The following NELL1 variants were observed in gnomAD, a reference collection of about 807,000 sequenced individuals.
NELL1 encodes the protein neural EGFL like 1, also known as protein kinase C-binding protein NELL1.
A neutral mutation model predicts 107.4 loss-of-function variants in NELL1; 76 were observed. The observed-to-expected ratio is 0.71, with a 90% confidence interval of 0.59 to 0.86. NELL1 has a LOEUF of 0.86. Among genes scored for constraint, NELL1 ranks in the 40% least tolerant of loss-of-function variants. The probability of loss-of-function intolerance (pLI) is 0.00; values close to 1 mark genes in which losing one functional copy is unlikely to be tolerated. For synonymous variants in NELL1, 353 were observed against 341.2 expected (o/e 1.03, Z -0.38); for missense variants, 1,024 against 1,005.5 (o/e 1.02, Z -0.25).
intron 13 of NELL1, among the ~76,000 whole-genome samples, chr11:21,155,541 G>A (rs994979580): frequency 1.3e-5 from 2 of 152,134 alleles, no homozygotes; most frequent in African/African-American, 4.8e-5. Context: ...TTATTTTCTT[G>A]AAATGAAGGA....
At chr11:20,820,252 C>T (rs1857721332) in intron 3 of NELL1, among the ~76,000 whole-genome samples, 1 of 152,138 alleles carries the variant, frequency 6.6e-6, no homozygotes, top group South Asian at 2.1e-4. Context: ...GAGGCTAATC[C>T]TTCCCTGACA....
In NELL1 at chr11:21,078,332, T is replaced by C. The variant is rs558679463; in HGVS notation, c.1301-35257T>C. On this transcript the variant is annotated intron_variant, in intron 12 of 19. Coordinates refer to ENST00000357134, the MANE Select transcript of NELL1 (RefSeq NM_006157.5). ...AACACATTGAATAAGGCACTCCACA[T>C]ACCAGCAGGTAATTTAAAATAAAGA... Among the ~76,000 whole-genome samples, 344 of 152,160 alleles carry C rather than the reference T, an allele frequency of 2.3e-3. 3 individuals carry two copies. The highest frequency in any genetic ancestry group is 0.021 in the South Asian group (102 of 4,826).
At chr11:21,240,284 A>G (rs778372964) in intron 14 of NELL1, among the ~76,000 whole-genome samples, 1 of 152,094 alleles carries the variant, frequency 6.6e-6, no homozygotes, top group Non-Finnish European at 1.5e-5. Flanking sequence ...GCAATGTTAA[A>G]ATAACTTCAA....
intron 2 of NELL1, among the ~76,000 whole-genome samples, chr11:20,718,811 T>C (rs1554906143): frequency 6.6e-6 from 1 of 152,160 alleles, no homozygotes; most frequent in African/African-American, 2.4e-5. Flanking sequence ...AGAAGGAATA[T>C]CGGCTTGGAT....
chr11:21,369,297 C>T (rs895157469), intron 14 of NELL1, among the ~76,000 whole-genome samples: 1 of 151,752 alleles, frequency 6.6e-6, no homozygotes, highest in African/African-American at 2.4e-5. Flanking sequence ...GAGATTTTAC[C>T]TCCATCTCTA....
Position 21,457,205 on chromosome 11 carries a change from A to G in NELL1, c.1646-77169A>G, listed in dbSNP as rs142143914. On this transcript the variant is annotated intron_variant, in intron 15 of 19. Coordinates refer to ENST00000357134, the MANE Select transcript of NELL1 (RefSeq NM_006157.5). ...GAATATTGTTCATGTTTCTGATTCT[A>G]AAAATTTAATAGTTCTTGGCTGGGT... 2.8e-4 allele frequency among the ~76,000 whole-genome samples: 42 copies of G among 152,322 alleles called. No individual in the cohort carries two copies. The East Asian group carries it at 8.1e-3, about 29-fold the overall frequency.
intron 17 of NELL1, among the ~76,000 whole-genome samples, chr11:21,563,303 C>T (rs891784811): frequency 2.6e-5 from 4 of 152,096 alleles, no homozygotes; most frequent in East Asian, 1.9e-4. Context: ...CCAGCTTATT[C>T]GTTTCTAGGA....
intron 4 of NELL1, among the ~76,000 whole-genome samples, chr11:20,871,176 C>T (rs1174147486): frequency 1.3e-5 from 2 of 152,166 alleles, no homozygotes; most frequent in Admixed American, 6.5e-5. Flanking sequence ...GTACTCCAAC[C>T]TGAATCCCTT....
chr11:20,700,415 G>A (rs897072098), intron 2 of NELL1, among the ~76,000 whole-genome samples: 2 of 152,200 alleles, frequency 1.3e-5, no homozygotes, highest in Admixed American at 6.5e-5. Flanking sequence ...GGAAGCAGAG[G>A]TTGCAGTGAT....
chr11:21,153,753 T>C (rs1268320626), intron 13 of NELL1, among the ~76,000 whole-genome samples: 1 of 152,124 alleles, frequency 6.6e-6, no homozygotes, highest in East Asian at 1.9e-4. Context: ...GTGAGGGAAA[T>C]TGAAGCTCAG....
chr11:21,253,977 GA>G (rs2133913921), intron 14 of NELL1, among the ~76,000 whole-genome samples: 1 of 152,276 alleles, frequency 6.6e-6, no homozygotes, highest in Non-Finnish European at 1.5e-5. Context: ...GTTGACTACT[GA>G]GGGGATGCAG....
At position 20,951,574 on chromosome 11, in the gene NELL1, C is replaced by A. The variant is rs569315916; in HGVS notation, c.1171+4139C>A. On this transcript the variant is annotated intron_variant, in intron 11 of 19. Transcript: ENST00000357134. ...TCATGTCAAATGCTGTAACTAATTC[C>A]CTTGTCTTTTAGGGAAAAATGAATA... 3.9e-5 allele frequency among the ~76,000 whole-genome samples: 6 copies of A among 152,240 alleles called. No individual in the cohort carries two copies. The South Asian group carries it at 1.2e-3, about 32-fold the overall frequency.
chr11:20,984,768 T>C (rs566814806), intron 12 of NELL1, among the ~76,000 whole-genome samples: 1 of 152,142 alleles, frequency 6.6e-6, no homozygotes, highest in African/African-American at 2.4e-5. Flanking sequence ...ACATTTATGA[T>C]GATGGGTCAT....
chr11:21,055,093 T>C (rs1294659204), intron 12 of NELL1, among the ~76,000 whole-genome samples: 1 of 152,056 alleles, frequency 6.6e-6, no homozygotes, highest in Non-Finnish European at 1.5e-5. Flanking sequence ...TTTTCTCAAA[T>C]AGTTGATCAA....
chr11:21,177,266 C>T (rs1856733428), intron 13 of NELL1, among the ~76,000 whole-genome samples: 1 of 151,680 alleles, frequency 6.6e-6, no homozygotes, highest in African/African-American at 2.4e-5. Flanking sequence ...CTATCTACCC[C>T]CTGCCATCTT....
chr11:20,888,168 A>G (rs1206296765), intron 5 of NELL1, among the ~76,000 whole-genome samples: 3 of 152,166 alleles, frequency 2.0e-5, no homozygotes, highest in Non-Finnish European at 1.5e-5. Flanking sequence ...CAGATTAGAC[A>G]CAGGTAGGAA....
intron 2 of NELL1, among the ~76,000 whole-genome samples, chr11:20,715,202 G>C (rs1855216649): frequency 1.3e-5 from 2 of 151,836 alleles, no homozygotes. Context: ...TTGACATCGC[G>C]CCATTGCATG....
chr11:21,121,625 A>G (rs534773850), intron 13 of NELL1, among the ~76,000 whole-genome samples: 1 of 152,216 alleles, frequency 6.6e-6, no homozygotes, highest in Non-Finnish European at 1.5e-5. Flanking sequence ...AATGACTGAG[A>G]CATTTCAGTG....
At chr11:21,508,747 A>G (rs1005146625) in intron 15 of NELL1, among the ~76,000 whole-genome samples, 1 of 152,016 alleles carries the variant, frequency 6.6e-6, no homozygotes, top group Admixed American at 6.6e-5. Flanking sequence ...CAAAATATGA[A>G]GAATCATCTC....
Sources: allele counts gnomAD v4.1 joint callset (sites outside exome capture counted in the v4.1 genomes callset), GRCh38; gene constraint gnomAD v4.1.1; transcripts MANE v1.5; gene names NCBI Gene and HGNC (gene_info 2026-07-23, HGNC 2026-07-21).